Variants in MICAL2 observed in about 807,000 individuals in gnomAD.
MICAL2 encodes the protein [F-actin]-monooxygenase MICAL2.
In MICAL2, 77 loss-of-function variants were observed where a neutral mutation model predicts 127.3. The ratio of observed to expected loss-of-function variants is 0.60; its 90% CI spans 0.50 to 0.73. The LOEUF (loss-of-function observed/expected upper bound fraction) is 0.73, where lower values mean the gene tolerates loss of function less well. MICAL2 is among the 30% of genes least tolerant of loss of function. The pLI is 0.00. For missense variants in MICAL2, 1,351 were observed against 1,434.4 expected, an observed-to-expected ratio of 0.94 and a Z score of 0.94; for synonymous variants, 570 against 551.1, an observed-to-expected ratio of 1.03 and a Z score of -0.48.
chr11:12,340,127 G>T lies in MICAL2; in HGVS notation c.5516-9711G>T, dbSNP rs530461941. 9.2e-5 allele frequency among the ~76,000 whole-genome samples: 14 copies of T among 152,286 alleles called. No individual in the cohort carries two copies. In the East Asian group the frequency reaches 2.7e-3, roughly 29 times the overall value. ...TGAGGATGTAGAACCCTCAGATACAGACGGTCAACTGTGTTTGCAAAAAAA... is the reference window on the plus strand; with the variant it reads ...TGAGGATGTAGAACCCTCAGATACATACGGTCAACTGTGTTTGCAAAAAAA... On this transcript the variant is annotated intron_variant, in intron 32 of 34. Transcript: ENST00000646065.
intron 3 of MICAL2, among the ~76,000 whole-genome samples, chr11:12,173,834 T>C (rs1395083098): frequency 6.6e-6 from 1 of 152,258 alleles, no homozygotes; most frequent in Non-Finnish European, 1.5e-5. Flanking sequence ...CATAATATTT[T>C]TGAGGTTTGT....
At chr11:12,164,188 A>G (rs1855192872) in intron 3 of MICAL2, among the ~76,000 whole-genome samples, 1 of 152,128 alleles carries the variant, frequency 6.6e-6, no homozygotes, top group South Asian at 2.1e-4. Flanking sequence ...CAGTCATCAC[A>G]TCTTGTGGTT....
chr11:12,261,858 G>A (rs1863159986), intron 26 of MICAL2: 3 of 985,788 alleles, frequency 3.0e-6, no homozygotes, highest in Non-Finnish European at 3.6e-6. Context: ...TTAATGTTCA[G>A]CATGGTGGGA....
intron 3 of MICAL2, among the ~76,000 whole-genome samples, chr11:12,174,459 G>A (rs1856620016): frequency 6.6e-6 from 1 of 151,358 alleles, no homozygotes; most frequent in African/African-American, 2.4e-5. Flanking sequence ...TTTGTGGCTG[G>A]CTTATTCACT....
intron 16 of MICAL2, among the ~76,000 whole-genome samples, chr11:12,237,169 C>T (rs1859205925): frequency 6.6e-6 from 1 of 152,190 alleles, no homozygotes; most frequent in African/African-American, 2.4e-5. Flanking sequence ...CCATTCAACC[C>T]ATTATCTGTG....
At chr11:12,234,892 G>T (rs1289945713) in intron 15 of MICAL2, among the ~76,000 whole-genome samples, 1 of 152,194 alleles carries the variant, frequency 6.6e-6, no homozygotes, top group Non-Finnish European at 1.5e-5. Context: ...TGATTGGGCT[G>T]TATGCCTGGG....
downstream of MICAL2, among the ~76,000 whole-genome samples, chr11:12,291,488 T>C (rs1371870071): frequency 6.6e-6 from 1 of 152,128 alleles, no homozygotes; most frequent in East Asian, 1.9e-4. Flanking sequence ...CCTGCCCCAC[T>C]CCTTTCACCT....
At chr11:12,265,386 A>G (rs1238079715), downstream of MICAL2, among the ~76,000 whole-genome samples, 1 of 152,252 alleles carries the variant, frequency 6.6e-6, no homozygotes, top group Non-Finnish European at 1.5e-5. Flanking sequence ...GGAAAACCAT[A>G]TAATTAAATA....
rs1358721283 is a variant in MICAL2, at chr11:12,263,755, G to GT, written c.*214dup. The GT allele has an allele frequency of 6.6e-6, 1 of 152,598 alleles. No individual in the cohort carries two copies. The highest frequency in any genetic ancestry group is 1.5e-5 in the Non-Finnish European group (1 of 68,030). The allele number at this position is 152,598 out of a possible 1,614,324, so 9.5% of individuals were successfully genotyped here. ...AGCTTTATTTATGGTATTTGATGCT[G>GT]TAAATGGAAATAAATATTGTTCTTT... On this transcript the variant is annotated 3_prime_UTR_variant, in exon 28 of 28. Coordinates refer to ENST00000683283, the MANE Select transcript of MICAL2 (RefSeq NM_001282663.2).
intron 3 of MICAL2, among the ~76,000 whole-genome samples, chr11:12,198,639 G>A (rs1860255756): frequency 6.6e-6 from 1 of 152,108 alleles, no homozygotes; most frequent in African/African-American, 2.4e-5. Context: ...TGGCACCAGT[G>A]CACTGCCCTG....
intron 21 of MICAL2, among the ~76,000 whole-genome samples, chr11:12,245,059 A>C (rs747548306): frequency 3.9e-5 from 6 of 152,046 alleles, no homozygotes; most frequent in Non-Finnish European, 8.8e-5. Flanking sequence ...CATGTTTTTC[A>C]CTTGTCCTCC....
Position 12,242,794 on chromosome 11 carries a change from C to T in MICAL2, c.2658+22C>T, listed in dbSNP as rs1042711671. ...GCAGGTAAACATGGGGCTTTCAGAG[C>T]CCCCAGGAACCTGATGCTGGACATC... On this transcript the variant is annotated intron_variant, in intron 20 of 27. Coordinates refer to ENST00000683283, the MANE Select transcript of MICAL2 (RefSeq NM_001282663.2). The T allele has an allele frequency of 9.1e-6, 14 of 1,540,570 alleles. No individual in the cohort carries two copies. The African/African-American group carries it at 1.4e-4, about 15-fold the overall frequency.
chr11:12,236,543 T>C (rs577426819), intron 16 of MICAL2, among the ~76,000 whole-genome samples: 4 of 152,216 alleles, frequency 2.6e-5, no homozygotes, highest in Non-Finnish European at 5.9e-5. Context: ...AAGATGAACA[T>C]GGTATCTGAC....
intron 15 of MICAL2, among the ~76,000 whole-genome samples, chr11:12,227,652 A>G (rs1857652401): frequency 6.6e-6 from 1 of 152,234 alleles, no homozygotes; most frequent in South Asian, 2.1e-4. Context: ...TACAGAAGTG[A>G]ATAATATATG....
chr11:12,204,362 T>G lies in MICAL2; in HGVS notation c.377T>G (p.Val126Gly). The G allele has an allele frequency of 1.2e-6, 2 of 1,612,498 alleles. No homozygotes were observed. Among genetic ancestry groups the G allele is most frequent in the Non-Finnish European group, 1.7e-6 (2 of 1,178,916 alleles). Residue 126 changes from valine (V) to glycine (G), a missense_variant, in exon 4 of 28, where the codon GTG (valine) becomes GGG (glycine). Physicochemically the swap from Val to Gly is moderately radical, Grantham distance 109. This residue lies in a region of MICAL2 where 599 missense variants were observed against 714.9 expected (regional missense o/e 0.84). Coordinates refer to ENST00000683283, the MANE Select transcript of MICAL2 (RefSeq NM_001282663.2). The stretch of plus-strand genomic sequence containing the variant: ...AGGGACTCCTTCTCCCGGAACAACG[T>G]GCTACACCTCTGGCCTTTCACCATC... Reference protein sequence around the residue: ...EKRDSFSRNNVLHLWPFTIHD... With the variant: ...EKRDSFSRNNGLHLWPFTIHD...
intron 1 of MICAL2, among the ~76,000 whole-genome samples, chr11:12,118,867 G>T (rs1461098369): frequency 6.6e-6 from 1 of 152,160 alleles, no homozygotes; most frequent in Non-Finnish European, 1.5e-5. Context: ...TTTTGTTGTT[G>T]TTGTTGTTTT....
exon 30 of MICAL2, chr11:12,319,711 C>G (rs1864270586): frequency 1.9e-6 from 3 of 1,613,484 alleles, no homozygotes; most frequent in East Asian, 4.5e-5. Flanking sequence ...AAGAACTTTC[C>G]CCTCAGAGCA....
chr11:12,259,978 C>T (rs1337683543), intron 26 of MICAL2, 81 bp downstream of exon 26: 1 of 1,566,742 alleles, frequency 6.4e-7, no homozygotes, highest in East Asian at 2.4e-5. Context: ...GATGCAGGGA[C>T]TCCTGCAAGC....
downstream of MICAL2, among the ~76,000 whole-genome samples, chr11:12,295,343 T>C (rs561858865): frequency 6.6e-6 from 1 of 151,648 alleles, no homozygotes; most frequent in South Asian, 2.1e-4. Flanking sequence ...TTTTACCACA[T>C]TGGCCAGGCT....
Sources: gnomAD v4.1 joint callset for allele counts (sites outside exome capture counted in the v4.1 genomes callset) on GRCh38, gnomAD v4.1.1 for gene constraint, gnomAD v4.1.1 regional missense constraint, MANE v1.5 for transcripts, NCBI Gene and HGNC (gene_info 2026-07-23, HGNC 2026-07-21) for gene names.